RBP5: variants seen among roughly 807,000 people sequenced by gnomAD.
RBP5 encodes the protein retinol binding protein 5.
Under a neutral mutation model 17.8 loss-of-function variants are expected in RBP5, and 12 were observed. The observed-to-expected ratio is 0.67, with a 90% CI of 0.43 to 1.09. RBP5 has a LOEUF of 1.09. Among genes scored for constraint, RBP5 ranks in the 50% least tolerant of loss-of-function variants. The pLI is 0.00. For synonymous variants in RBP5, 64 were observed against 68.1 expected, an observed-to-expected ratio of 0.94 and a Z score of 0.30; for missense variants, 172 against 169.4, an observed-to-expected ratio of 1.02 and a Z score of -0.09.
exon 4 of RBP5, chr12:7,116,060 T>C (rs759918231): frequency 1.3e-5 from 2 of 152,194 alleles, no homozygotes; most frequent in Non-Finnish European, 2.9e-5. Flanking sequence ...GTTGGGGACA[T>C]AGAGCCAAAT....
chr12:7,124,878 C>T lies in RBP5; in HGVS notation c.253-148G>A. Reference sequence around the variant, plus strand: ...ACTGAGCGAGGGAGCTGCTCTGATTCAGCAGGACTCCCTTTCCACCCTACT... The same window carrying T: ...ACTGAGCGAGGGAGCTGCTCTGATTTAGCAGGACTCCCTTTCCACCCTACT... On this transcript the variant is annotated intron_variant, in intron 2 of 3. Coordinates refer to ENST00000266560, the MANE Select transcript of RBP5 (RefSeq NM_031491.4). This position sits in a 1 kb window ranked among gnomAD's most constrained non-coding sequence, Gnocchi z 5.3. 1.8e-6 allele frequency: 1 copy of T among 557,166 alleles called. No individual in the cohort carries two copies. Among genetic ancestry groups the T allele is most frequent in the Non-Finnish European group, 3.2e-6 (1 of 309,398 alleles). The allele number at this position is 557,166 out of a possible 1,614,324, so 34.5% of individuals were successfully genotyped here.
In RBP5 at chr12:7,124,103, A is replaced by G; in HGVS notation, c.*18T>C. 3 of 1,612,160 alleles carry G rather than the reference A, an allele frequency of 1.9e-6. No homozygotes were observed. The highest frequency in any genetic ancestry group is 2.5e-6 in the Non-Finnish European group (3 of 1,178,440). On this transcript the variant is annotated 3_prime_UTR_variant, in exon 4 of 4. Transcript: ENST00000266560. The surrounding 1 kb of genome is among the most constrained non-coding windows in gnomAD (Gnocchi z 5.3). ...CTGTGAGCTGGTGCTGTCTGGAGGG[A>G]TCTTGGCTCCTCTCCGGCTATCTGA...
At position 7,124,814 on chromosome 12, in the gene RBP5, T is replaced by A. The variant is rs996886210; in HGVS notation, c.253-84A>T. The A allele has an allele frequency of 1.3e-6, 1 of 784,846 alleles. No individual in the cohort carries two copies. The highest frequency in any genetic ancestry group is 2.3e-6 in the Non-Finnish European group (1 of 444,050). The allele number at this position is 784,846 out of a possible 1,614,324, so 48.6% of individuals were successfully genotyped here. ...CATCTCACTCTGAATGGGCTCCCCC[T>A]TTTACTCCACAGCAGATACTGTCTG... On this transcript the variant is annotated intron_variant, in intron 2 of 3. Transcript: ENST00000266560. This position sits in a 1 kb window ranked among gnomAD's most constrained non-coding sequence, Gnocchi z 5.3.
In RBP5 at chr12:7,128,287, C is replaced by T; in HGVS notation, c.205G>A (p.Val69Met). The T allele has an allele frequency of 6.2e-7, 1 of 1,614,204 alleles. No individual in the cohort carries two copies. The highest frequency in any genetic ancestry group is 8.5e-7 in the Non-Finnish European group (1 of 1,180,010). Residue 69 changes from valine to methionine, a missense_variant, in exon 2 of 4, where the codon GTG (valine) becomes ATG (methionine). Physicochemically the swap from Val to Met is conservative, Grantham distance 21. Transcript: ENST00000266560. The surrounding 1 kb of genome is among the most constrained non-coding windows in gnomAD (Gnocchi z 5.3). ...CTCCTGAGGTCCTCCTCAAACTCCA[C>T]TCCCACATCAAACTGCACAGTGTAG... ...RNYTVQFDVG[V>M]EFEEDLRSVD... is the part of the protein sequence containing the mutation.
intron 2 of RBP5, chr12:7,127,833 T>C (rs890509514): frequency 1.4e-5 from 9 of 644,344 alleles, no homozygotes; most frequent in Admixed American, 4.9e-5. Context: ...AAAGGATTAA[T>C]AGGAGGACTA....
At chr12:7,116,397 A>G (rs1229766711) in exon 4 of RBP5, 1 of 152,292 alleles carries the variant, frequency 6.6e-6, no homozygotes, top group African/African-American at 2.4e-5. Context: ...CCTACCAGCT[A>G]AGATCTGGTG....
downstream of RBP5, among the ~76,000 whole-genome samples, chr12:7,122,780 A>C (rs1222858053): frequency 6.6e-6 from 1 of 152,206 alleles, no homozygotes; most frequent in Non-Finnish European, 1.5e-5. Flanking sequence ...GTGGCTTTGC[A>C]AAGAAGGGGC....
chr12:7,121,218 A>G (rs1320165869), downstream of RBP5, among the ~76,000 whole-genome samples: 2 of 151,930 alleles, frequency 1.3e-5, no homozygotes, highest in Non-Finnish European at 2.9e-5. Context: ...TACTTGGGGT[A>G]CTTAAGGCTA....
intron 2 of RBP5, chr12:7,127,820 T>A (rs1375300981): frequency 3.0e-6 from 2 of 670,992 alleles, no homozygotes; most frequent in Admixed American, 4.4e-5. Context: ...AAAACTCCAG[T>A]TTAAAGGATT....
upstream of RBP5, chr12:7,128,966 T>A (rs1468588108): frequency 5.1e-6 from 3 of 584,204 alleles, no homozygotes; most frequent in Non-Finnish European, 9.6e-6. The surrounding 1 kb of genome is among the most constrained non-coding windows in gnomAD (Gnocchi z 5.3). Context: ...ACTTCTTCCC[T>A]CCCCGCATGG....
chr12:7,120,750 A>C (rs1002296911), downstream of RBP5: 2 of 154,176 alleles, frequency 1.3e-5, no homozygotes, highest in Non-Finnish European at 2.9e-5. Context: ...CTCACGGCTG[A>C]TGCGGTGGCT....
Position 7,128,636 on chromosome 12 carries a change from G to C in RBP5, c.73+67C>G. ...CCCGGGCATTCCCTCTTCTCCATGG[G>C]ACCAAGAAGCAGGAAGGAAGAGGGG... On this transcript the variant is annotated intron_variant, in intron 1 of 3. Transcript: ENST00000266560. The surrounding 1 kb of genome is among the most constrained non-coding windows in gnomAD (Gnocchi z 5.3). The C allele has an allele frequency of 7.0e-7, 1 of 1,422,510 alleles. No individual in the cohort carries two copies. Among genetic ancestry groups the C allele is most frequent in the Non-Finnish European group, 9.7e-7 (1 of 1,028,808 alleles). The allele number at this position is 1,422,510 out of a possible 1,614,324, so 88.1% of individuals were successfully genotyped here.
Position 7,124,597 on chromosome 12 carries a change from T to G in RBP5, c.354+32A>C. ...GGGATGCCTTATAGCTGGAGGCCCT[T>G]CTCCCAGACACCCAGCCCCCACCCC... On this transcript the variant is annotated intron_variant, in intron 3 of 3. Transcript: ENST00000266560. The surrounding 1 kb of genome is among the most constrained non-coding windows in gnomAD (Gnocchi z 5.3). The G allele has an allele frequency of 7.8e-7, 1 of 1,277,842 alleles. No homozygotes were observed. The highest frequency in any genetic ancestry group is 1.1e-6 in the Non-Finnish European group (1 of 876,388). 79.2% of individuals were successfully genotyped at this position (1,277,842 alleles called of 1,614,324 possible).
chr12:7,120,217 A>G (rs748786145), downstream of RBP5, among the ~76,000 whole-genome samples: 2 of 152,064 alleles, frequency 1.3e-5, no homozygotes, highest in South Asian at 2.1e-4. Flanking sequence ...TTTGCTGGAA[A>G]GGTGAGTGTG....
In RBP5 at chr12:7,128,254, C is replaced by G; in HGVS notation, c.238G>C (p.Gly80Arg). ...EFEEDLRSVD[G>R]RKCQTIVTWE... ...GGGAAATGTACCTGGCATTTTCGTC[C>G]GTCCACGCTCCTGAGGTCCTCCTCA... Residue 80 changes from glycine to arginine, a missense_variant, in exon 2 of 4, where the codon GGA becomes CGA. Physicochemically the swap from Gly to Arg is moderately radical, Grantham distance 125. Transcript: ENST00000266560. This position sits in a 1 kb window ranked among gnomAD's most constrained non-coding sequence, Gnocchi z 5.3. 3.7e-6 allele frequency: 6 copies of G among 1,610,074 alleles called. No individual in the cohort carries two copies. Among genetic ancestry groups the G allele is most frequent in the Non-Finnish European group, 5.1e-6 (6 of 1,177,488 alleles).
At chr12:7,120,586 A>C (rs987541823), downstream of RBP5, 1 of 155,546 alleles carries the variant, frequency 6.4e-6, no homozygotes, top group South Asian at 2.0e-4. Context: ...CCCGATTCTC[A>C]TCTGCCCATA....
At chr12:7,127,103 C>T (rs1939183340) in intron 2 of RBP5, among the ~76,000 whole-genome samples, 2 of 147,394 alleles carry the variant, frequency 1.4e-5, no homozygotes, top group Admixed American at 6.9e-5. Flanking sequence ...AGTGATTCTT[C>T]TGCCTCAGCC....
intron 2 of RBP5, among the ~76,000 whole-genome samples, chr12:7,125,865 T>C (rs10772366): frequency 0.63 from 95,832 of 151,942 alleles, 30,317 homozygotes; most frequent in Admixed American, 0.69. Context: ...AGGGTGTAAG[T>C]CAGAGAGTGA....
At position 7,124,504 on chromosome 12, in the gene RBP5, T is replaced by A. The variant is rs1591608175; in HGVS notation, c.354+125A>T. 4.4e-6 allele frequency: 3 copies of A among 681,266 alleles called. 1 individual carries two copies. In the South Asian group the frequency reaches 5.3e-5, roughly 12 times the overall value. 42.2% of individuals were successfully genotyped at this position (681,266 alleles called of 1,614,324 possible). ...CAGTGCTTTTGCTTTCCCTCCCTGG[T>A]CAATTCCTTGGATAGGGATTGGGGC... On this transcript the variant is annotated intron_variant, in intron 3 of 3. Coordinates refer to ENST00000266560, the MANE Select transcript of RBP5 (RefSeq NM_031491.4). The surrounding 1 kb of genome is among the most constrained non-coding windows in gnomAD (Gnocchi z 5.3).
Sources: gnomAD v4.1 joint callset for allele counts (sites outside exome capture counted in the v4.1 genomes callset) on GRCh38, gnomAD v4.1.1 for gene constraint, Gnocchi (gnomAD v3.1) non-coding constraint, MANE v1.5 for transcripts, NCBI Gene and HGNC (gene_info 2026-07-23, HGNC 2026-07-21) for gene names.